Variants in ADGRV1 observed in about 807,000 individuals in gnomAD.
ADGRV1 encodes the protein G-protein coupled receptor 98.
In ADGRV1, 359 loss-of-function variants were observed where a neutral mutation model predicts 596.2. The ratio of observed to expected loss-of-function variants is 0.60; its 90% CI spans 0.55 to 0.66. ADGRV1 has a LOEUF of 0.66. Ranked by LOEUF, ADGRV1 falls within the 30% of genes least tolerant of loss-of-function variation. ADGRV1 has a pLI of 0.00. For missense variants in ADGRV1, 7,274 were observed against 7,575.6 expected (o/e 0.96, Z 1.48); for synonymous variants, 2,681 against 2,679.2 (o/e 1.00, Z -0.02).
At chr5:90,787,845 C>T (rs985542457) in intron 67 of ADGRV1, among the ~76,000 whole-genome samples, 2 of 151,944 alleles carry the variant, frequency 1.3e-5, no homozygotes, top group Non-Finnish European at 2.9e-5. Context: ...CCCGCCTCGG[C>T]CTCCCAAAGT....
chr5:90,573,600 C>CAT (rs369844235), intron 1 of ADGRV1, among the ~76,000 whole-genome samples: 200 of 152,306 alleles, frequency 1.3e-3, no homozygotes, highest in African/African-American at 4.7e-3. Context: ...GGACCACCAT[C>CAT]ATATACCTGG....
chr5:90,969,389 C>T (rs1374744865), intron 84 of ADGRV1, among the ~76,000 whole-genome samples: 1 of 152,160 alleles, frequency 6.6e-6, no homozygotes, highest in Non-Finnish European at 1.5e-5. Context: ...AGATCATCTT[C>T]ATGTAGTGGA....
At chr5:90,739,633 C>G (rs1169252493) in intron 50 of ADGRV1, among the ~76,000 whole-genome samples, 1 of 152,190 alleles carries the variant, frequency 6.6e-6, no homozygotes, top group African/African-American at 2.4e-5. Context: ...TAAGTCAGAG[C>G]TGTTGCCTGG....
chr5:91,017,056 G>A (rs918959894), intron 85 of ADGRV1, among the ~76,000 whole-genome samples: 2 of 151,910 alleles, frequency 1.3e-5, no homozygotes, highest in African/African-American at 4.8e-5. Flanking sequence ...GTACCAAGCA[G>A]TCCACAAGAA....
rs2149595548 is a variant in ADGRV1 at position 90,685,964 on chromosome 5, G to C, written c.6459G>C (p.Lys2153Asn). The C allele has an allele frequency of 1.9e-6, 3 of 1,594,974 alleles. 1 individual carries two copies. The highest frequency in any genetic ancestry group is 3.3e-4 in the Middle Eastern group (2 of 6,008). The change falls in exon 29 of 90, where the codon AAG (lysine) becomes AAC (asparagine). Residue 2153 changes from lysine to asparagine, a missense_variant. Physicochemically the swap from Lys to Asn is moderately conservative, Grantham distance 94. Coordinates refer to ENST00000405460, the MANE Select transcript of ADGRV1 (RefSeq NM_032119.4). ...GAGCATTTGCAGATGTCTCTGTGAA[G>C]TTTAAAGCTGTGCCAATAACTGCAA... ...TGGAFADVSV[K>N]FKAVPITAIA...
At chr5:90,587,806 C>T (rs1209289866) in intron 1 of ADGRV1, among the ~76,000 whole-genome samples, 1 of 152,012 alleles carries the variant, frequency 6.6e-6, no homozygotes, top group Non-Finnish European at 1.5e-5. Flanking sequence ...GTGATCCTCC[C>T]GCCTCAGCCT....
At chr5:91,015,799 A>G (rs999827191) in intron 85 of ADGRV1, among the ~76,000 whole-genome samples, 2 of 151,734 alleles carry the variant, frequency 1.3e-5, no homozygotes, top group African/African-American at 4.8e-5. Flanking sequence ...GACAGCGTAC[A>G]ATTGGGGCTT....
chr5:90,655,023 T>C (rs1769200049), intron 20 of ADGRV1: 1 of 152,156 alleles, frequency 6.6e-6, no homozygotes, highest in Non-Finnish European at 1.5e-5. Flanking sequence ...TTTTAAACTA[T>C]ATGTAAAGTT....
intron 85 of ADGRV1, among the ~76,000 whole-genome samples, chr5:91,004,316 A>G (rs1782092580): frequency 6.6e-6 from 1 of 152,186 alleles, no homozygotes; most frequent in African/African-American, 2.4e-5. Flanking sequence ...TCGTAATGGA[A>G]AACAAATGAA....
chr5:91,109,540 G>A (rs1290565160), intron 87 of ADGRV1, among the ~76,000 whole-genome samples: 3 of 152,102 alleles, frequency 2.0e-5, no homozygotes, highest in Non-Finnish European at 4.4e-5. Flanking sequence ...AAAGGCCTTG[G>A]GGTTCTATGT....
chr5:90,966,845 A>G (rs540520124), intron 84 of ADGRV1, among the ~76,000 whole-genome samples: 1 of 152,336 alleles, frequency 6.6e-6, no homozygotes, highest in Admixed American at 6.5e-5. Flanking sequence ...TTGGTAATGC[A>G]TTCTGTGTAA....
chr5:91,039,251 C>A (rs1785147314), intron 85 of ADGRV1, among the ~76,000 whole-genome samples: 1 of 152,122 alleles, frequency 6.6e-6, no homozygotes, highest in Non-Finnish European at 1.5e-5. Flanking sequence ...GCCATAGATA[C>A]CCAAGATGTT....
chr5:90,879,527 A>AG (rs1447404832), intron 83 of ADGRV1, among the ~76,000 whole-genome samples: 5 of 152,218 alleles, frequency 3.3e-5, no homozygotes, highest in African/African-American at 1.2e-4. Context: ...CTGTTATCAA[A>AG]GGAAGAATGA....
At position 90,855,726 on chromosome 5, in the gene ADGRV1, G is replaced by A; in HGVS notation, c.17595-15G>A. The A allele has an allele frequency of 6.5e-7, 1 of 1,532,926 alleles. No homozygotes were observed. Among genetic ancestry groups the A allele is most frequent in the Middle Eastern group, 1.7e-4 (1 of 5,760 alleles). 95.0% of individuals were successfully genotyped at this position (1,532,926 alleles called of 1,614,324 possible). ...TGATGAAAGAGGAAAAATGACTATT[G>A]TGTTTTTGCCCTAGCTGGTTGTCTG... On this transcript the variant is annotated splice_polypyrimidine_tract_variant and intron_variant, in intron 81 of 89. Transcript: ENST00000405460.
intron 85 of ADGRV1, among the ~76,000 whole-genome samples, chr5:90,996,527 G>A (rs1781431732): frequency 6.6e-6 from 1 of 152,168 alleles, no homozygotes; most frequent in South Asian, 2.1e-4. Flanking sequence ...CTACTGCAGG[G>A]GTAGGACCCT....
At chr5:90,957,914 G>A (rs926916203) in intron 83 of ADGRV1, among the ~76,000 whole-genome samples, 5 of 151,756 alleles carry the variant, frequency 3.3e-5, no homozygotes, top group African/African-American at 1.2e-4. Flanking sequence ...ATGTTAGCAA[G>A]TCAAAAGGAT....
intron 31 of ADGRV1, among the ~76,000 whole-genome samples, chr5:90,692,097 TA>T (rs1263991219): frequency 6.6e-6 from 1 of 152,206 alleles, no homozygotes; most frequent in African/African-American, 2.4e-5. Context: ...TCTAAAATAT[TA>T]GATATTCATT....
Position 90,965,468 on chromosome 5 carries a change from T to C in ADGRV1, c.17910T>C (p.Cys5970=), listed in dbSNP as rs1238675621. 1.2e-6 allele frequency: 2 copies of C among 1,613,902 alleles called. No homozygotes were observed. The highest frequency in any genetic ancestry group is 1.7e-6 in the Non-Finnish European group (2 of 1,179,786). ...GTCCCCAACTCGCTGAGGAGAGCTG[T>C]TCAGCTATGGCTGCTGTCACACATT... ...YASPQLAEES[C]SAMAAVTHYL... is the part of the protein sequence containing the mutation. The change falls in exon 84 of 90, where the codon TGT becomes TGC. Residue 5970 remains cysteine (C), a synonymous_variant. Coordinates refer to ENST00000405460, the MANE Select transcript of ADGRV1 (RefSeq NM_032119.4).
intron 76 of ADGRV1, 114 bp from the exon 77 acceptor site, chr5:90,828,830 A>G (rs1294782564): frequency 5.4e-6 from 3 of 550,544 alleles, no homozygotes; most frequent in African/African-American, 3.8e-5. Flanking sequence ...CTAGATTTAT[A>G]TATTTATTTC....
Sources: allele counts gnomAD v4.1 joint callset (sites outside exome capture counted in the v4.1 genomes callset), GRCh38; gene constraint gnomAD v4.1.1; transcripts MANE v1.5; gene names NCBI Gene and HGNC (gene_info 2026-07-23, HGNC 2026-07-21).